Variants in B3GALT5 observed in about 807,000 individuals in gnomAD.
The protein encoded by B3GALT5 is beta-1,3-galactosyltransferase 5, also known as UDP-Gal:betaGlcNAc beta 1,3-galactosyltransferase, polypeptide 5.
For synonymous variants in B3GALT5, 156 were observed against 158.6 expected (o/e 0.98, Z 0.12); for missense variants, 328 against 396.6 (o/e 0.83, Z 1.47).
At chr21:39,621,358 A>G (rs927665012) in intron 1 of B3GALT5, among the ~76,000 whole-genome samples, 2 of 152,050 alleles carry the variant, frequency 1.3e-5, no homozygotes, top group African/African-American at 4.8e-5. Flanking sequence ...TGTTTTATTT[A>G]GGACCTTTCC....
chr21:39,613,401 A>G (rs878980775), intron 1 of B3GALT5, among the ~76,000 whole-genome samples: 2 of 152,186 alleles, frequency 1.3e-5, no homozygotes, highest in Non-Finnish European at 2.9e-5. Flanking sequence ...ACATCGCACA[A>G]TTAAAAAGAA....
intron 1 of B3GALT5, among the ~76,000 whole-genome samples, chr21:39,642,023 C>A (rs1440824897): frequency 6.6e-6 from 1 of 152,234 alleles, no homozygotes; most frequent in Admixed American, 6.5e-5. Flanking sequence ...CAGTTCTTTA[C>A]AACAGCATAC....
chr21:39,624,851 G>T (rs1456080972), intron 1 of B3GALT5, among the ~76,000 whole-genome samples: 38 of 146,766 alleles, frequency 2.6e-4, no homozygotes, highest in Non-Finnish European at 9.0e-5. Flanking sequence ...CAAGGCGATA[G>T]TTTTTTTTTT....
Position 39,661,087 on chromosome 21 carries a change from A to C in B3GALT5, c.528A>C (p.Thr176=), listed in dbSNP as rs779308972. 6.2e-7 allele frequency: 1 copy of C among 1,614,056 alleles called. No individual in the cohort carries two copies. Among genetic ancestry groups the C allele is most frequent in the Non-Finnish European group, 8.5e-7 (1 of 1,180,026 alleles). ...AACTGCTTCTGAAGAAAAACAGAAC[A>C]ACCAGGTTTTTCACTGGCTTCTTGA... ...LTELLLKKNR[T]TRFFTGFLKL... The change falls in exon 4 of 4, where the codon ACA becomes ACC. Residue 176 remains threonine, a synonymous_variant. Transcript: ENST00000684187. The surrounding 1 kb of genome is among the most constrained non-coding windows in gnomAD (Gnocchi z 4.7).
chr21:39,640,082 G>A (rs1055445699), intron 1 of B3GALT5, among the ~76,000 whole-genome samples: 4 of 140,044 alleles, frequency 2.9e-5, no homozygotes, highest in Non-Finnish European at 6.2e-5. Flanking sequence ...GTGGGGGTGG[G>A]CTTTAAAACG....
chr21:39,637,162 C>A (rs977539886), intron 1 of B3GALT5, among the ~76,000 whole-genome samples: 1 of 152,206 alleles, frequency 6.6e-6, no homozygotes, highest in African/African-American at 2.4e-5. Flanking sequence ...TGACGTTTTC[C>A]GAGTCCTAAA....
chr21:39,634,622 G>T (rs1262185840), intron 1 of B3GALT5, among the ~76,000 whole-genome samples: 1 of 152,078 alleles, frequency 6.6e-6, no homozygotes, highest in Non-Finnish European at 1.5e-5. Flanking sequence ...TGGCAGCTGT[G>T]CAGGCCAGCA....
At chr21:39,626,744 G>A (rs1351493916) in intron 1 of B3GALT5, among the ~76,000 whole-genome samples, 1 of 151,868 alleles carries the variant, frequency 6.6e-6, no homozygotes, top group African/African-American at 2.4e-5. Flanking sequence ...TATCTTCTTT[G>A]GAGAATGTCT....
At chr21:39,648,401 G>T (rs917822803) in intron 2 of B3GALT5, among the ~76,000 whole-genome samples, 2 of 152,202 alleles carry the variant, frequency 1.3e-5, no homozygotes, top group African/African-American at 4.8e-5. Flanking sequence ...CCTAGCATGT[G>T]CACCTTCTCT....
chr21:39,660,019 CTG>C, intron 3 of B3GALT5, 107 bp downstream of exon 3: 1 of 633,648 alleles, frequency 1.6e-6, no homozygotes, highest in Non-Finnish European at 2.0e-6. Context: ...AGATCAGAGA[CTG>C]TAAAAAGTAA....
chr21:39,617,085 C>T (rs559894651), intron 1 of B3GALT5, among the ~76,000 whole-genome samples: 2 of 152,276 alleles, frequency 1.3e-5, no homozygotes, highest in South Asian at 4.1e-4. Context: ...CTGTCCCCTC[C>T]CTAGTTCTCC....
intron 1 of B3GALT5, among the ~76,000 whole-genome samples, chr21:39,614,936 C>T (rs370953143): frequency 7.9e-5 from 12 of 152,330 alleles, no homozygotes; most frequent in African/African-American, 2.6e-4. Flanking sequence ...CCTCTCTCCC[C>T]GGGTGACCGG....
At position 39,661,493 on chromosome 21, in the gene B3GALT5, G is replaced by A. The variant is rs1474101704; in HGVS notation, c.*1G>A. The A allele has an allele frequency of 1.3e-6, 2 of 1,505,070 alleles. No individual in the cohort carries two copies. Among genetic ancestry groups the A allele is most frequent in the Non-Finnish European group, 1.8e-6 (2 of 1,128,652 alleles). 93.2% of individuals were successfully genotyped at this position (1,505,070 alleles called of 1,614,324 possible). The stretch of plus-strand genomic sequence containing the variant: ...GGGGGAAGATTGTCCGCCTGTCTGA[G>A]GGGAGCCCAGAGGCACATCCGGACA... On this transcript the variant is annotated 3_prime_UTR_variant, in exon 4 of 4. Coordinates refer to ENST00000684187, the MANE Select transcript of B3GALT5 (RefSeq NM_001356336.2). The surrounding 1 kb of genome is among the most constrained non-coding windows in gnomAD (Gnocchi z 4.7).
chr21:39,649,082 A>G (rs1032893677), intron 2 of B3GALT5, among the ~76,000 whole-genome samples: 2 of 152,206 alleles, frequency 1.3e-5, no homozygotes, highest in African/African-American at 4.8e-5. Flanking sequence ...CTCTAAATTC[A>G]TCAGTCCTGA....
In B3GALT5 at chr21:39,630,875, T is replaced by C. The variant is rs139025587; in HGVS notation, c.-391-15517T>C. On this transcript the variant is annotated intron_variant, in intron 1 of 3. Coordinates refer to ENST00000684187, the MANE Select transcript of B3GALT5 (RefSeq NM_001356336.2). Reference sequence around the variant, plus strand: ...TCATTTCTCTCCTCTGATAAGTGTCTCTGCTTTAAGAGTGTTTGCCAGACA... The same window carrying C: ...TCATTTCTCTCCTCTGATAAGTGTCCCTGCTTTAAGAGTGTTTGCCAGACA... Among the ~76,000 whole-genome samples the C allele has an allele frequency of 4.3e-3, 661 of 152,234 alleles. 4 individuals carry two copies. The highest frequency in any genetic ancestry group is 0.015 in the African/African-American group (643 of 41,550).
intron 1 of B3GALT5, among the ~76,000 whole-genome samples, chr21:39,617,878 TTC>T (rs1456993212): frequency 6.6e-6 from 1 of 152,138 alleles, no homozygotes; most frequent in Non-Finnish European, 1.5e-5. Flanking sequence ...TTCATTCATT[TTC>T]ATTGCTATGT....
chr21:39,631,789 A>C (rs1302631270), intron 1 of B3GALT5, among the ~76,000 whole-genome samples: 1 of 152,248 alleles, frequency 6.6e-6, no homozygotes. Context: ...AGCTATATGA[A>C]GGTATGCACG....
At chr21:39,642,512 C>T (rs1458862799) in intron 1 of B3GALT5, among the ~76,000 whole-genome samples, 1 of 152,146 alleles carries the variant, frequency 6.6e-6, no homozygotes. Flanking sequence ...CATTGAGGTT[C>T]CTCTTCTTAT....
intron 1 of B3GALT5, among the ~76,000 whole-genome samples, chr21:39,646,005 C>T (rs148725634): frequency 3.3e-5 from 5 of 150,882 alleles, no homozygotes; most frequent in African/African-American, 1.2e-4. Context: ...TATTCTCTCC[C>T]CTTGCACGGC....
Sources: allele counts gnomAD v4.1 joint callset (sites outside exome capture counted in the v4.1 genomes callset), GRCh38; gene constraint gnomAD v4.1.1; non-coding constraint Gnocchi (gnomAD v3.1); transcripts MANE v1.5; gene names NCBI Gene and HGNC (gene_info 2026-07-23, HGNC 2026-07-21).